The following CNOT6L variants were observed in gnomAD, a reference collection of about 807,000 sequenced individuals.
CNOT6L encodes CCR4-NOT transcription complex subunit 6 like.
In CNOT6L, 7 loss-of-function variants were observed where a neutral mutation model predicts 64.0. That is an observed-to-expected ratio of 0.11 (90% CI 0.06 to 0.21). The LOEUF (loss-of-function observed/expected upper bound fraction) is 0.21. CNOT6L is among the 10% of genes least tolerant of loss of function. CNOT6L has a pLI of 1.00. For synonymous variants in CNOT6L, 193 were observed against 243.4 expected (o/e 0.79, Z 1.93); for missense variants, 245 against 669.0 (o/e 0.37, Z 6.99).
intron 11 of CNOT6L, among the ~76,000 whole-genome samples, chr4:77,721,916 T>G (rs1429836485): frequency 6.6e-6 from 1 of 150,692 alleles, no homozygotes; most frequent in Non-Finnish European, 1.5e-5. Context: ...AAGCTACTTA[T>G]AATTGTCCCA....
chr4:77,818,555 G>T (rs920317074), intron 1 of CNOT6L, among the ~76,000 whole-genome samples: 1 of 152,188 alleles, frequency 6.6e-6, no homozygotes, highest in Non-Finnish European at 1.5e-5. Flanking sequence ...AAGGGAACAC[G>T]ACACCGCGTA....
chr4:77,805,725 T>A (rs1025955531), intron 1 of CNOT6L, among the ~76,000 whole-genome samples: 1 of 152,330 alleles, frequency 6.6e-6, no homozygotes, highest in East Asian at 1.9e-4. Context: ...AAGTCCTATT[T>A]ACTTTATTTC....
intron 4 of CNOT6L, among the ~76,000 whole-genome samples, chr4:77,766,537 T>C (rs1021065760): frequency 7.3e-6 from 1 of 136,318 alleles, no homozygotes; most frequent in African/African-American, 2.5e-5. Context: ...ATGTAAGAAC[T>C]GGAAAAGAAA....
intron 5 of CNOT6L, among the ~76,000 whole-genome samples, chr4:77,753,072 T>TA (rs1725021233): frequency 6.6e-6 from 1 of 150,402 alleles, no homozygotes; most frequent in African/African-American, 2.4e-5. Flanking sequence ...AAGATTTACA[T>TA]AAAATGGGCA....
intron 4 of CNOT6L, among the ~76,000 whole-genome samples, chr4:77,766,823 A>G (rs916589229): frequency 1.3e-5 from 2 of 151,576 alleles, no homozygotes; most frequent in African/African-American, 4.8e-5. Flanking sequence ...CAGCACTTTG[A>G]GAGGCAAAGG....
intron 10 of CNOT6L, among the ~76,000 whole-genome samples, chr4:77,726,864 G>C (rs72864905): frequency 0.018 from 2,767 of 152,274 alleles, 79 homozygotes; most frequent in African/African-American, 0.063. Flanking sequence ...ATGTCAGCTA[G>C]ACAATATCAT....
chr4:77,811,604 A>T (rs1732946920), intron 1 of CNOT6L, among the ~76,000 whole-genome samples: 1 of 152,110 alleles, frequency 6.6e-6, no homozygotes, highest in Non-Finnish European at 1.5e-5. Context: ...AGGAAAATCT[A>T]GCCCCTCTTC....
intron 1 of CNOT6L, among the ~76,000 whole-genome samples, chr4:77,781,797 G>A (rs1391124878): frequency 1.3e-5 from 2 of 152,126 alleles, no homozygotes; most frequent in Admixed American, 1.3e-4. Context: ...ATCACCCTAA[G>A]TGTAAGGTCA....
chr4:77,800,745 A>G (rs1402237122), intron 1 of CNOT6L, among the ~76,000 whole-genome samples: 1 of 152,206 alleles, frequency 6.6e-6, no homozygotes, highest in Admixed American at 6.5e-5. Flanking sequence ...GTCTCCATTA[A>G]AAACAGTAGA....
At chr4:77,819,522 G>A, upstream of CNOT6L, 1 of 846,960 alleles carries the variant, frequency 1.2e-6, no homozygotes, top group Non-Finnish European at 1.6e-6. Flanking sequence ...GCCCGTAACC[G>A]GGGCTCGCGG....
intron 9 of CNOT6L, among the ~76,000 whole-genome samples, 157 bp downstream of exon 9, chr4:77,731,230 T>G (rs971877035): frequency 6.6e-6 from 1 of 152,150 alleles, no homozygotes; most frequent in South Asian, 2.1e-4. Flanking sequence ...TATGATGCTT[T>G]ACACAATGGT....
intron 4 of CNOT6L, among the ~76,000 whole-genome samples, chr4:77,772,105 T>C (rs1727620407): frequency 1.3e-5 from 2 of 152,238 alleles, no homozygotes; most frequent in African/African-American, 4.8e-5. Flanking sequence ...ATTTACTTAA[T>C]AGGTACAGCT....
At position 77,719,786 on chromosome 4, in the gene CNOT6L, A is replaced by G. The variant is rs1308893067; in HGVS notation, c.*645T>C. 1 of 152,576 alleles carries G rather than the reference A, an allele frequency of 6.6e-6. No homozygotes were observed. Among genetic ancestry groups the G allele is most frequent in the Non-Finnish European group, 1.5e-5 (1 of 68,014 alleles). 9.5% of individuals were successfully genotyped at this position (152,576 alleles called of 1,614,324 possible). A position where few individuals can be genotyped will look rare whatever the true frequency, so the allele number is the denominator to read the frequency against. On this transcript the variant is annotated 3_prime_UTR_variant, in exon 12 of 12. Transcript: ENST00000504123. ...AAGTGATTCCTCAAAAAAACTCCAA[A>G]CCAGCATTTGGCCAACAAATTGTCA...
intron 11 of CNOT6L, among the ~76,000 whole-genome samples, chr4:77,724,675 A>G (rs1721640472): frequency 6.6e-6 from 1 of 151,886 alleles, no homozygotes; most frequent in African/African-American, 2.4e-5. Flanking sequence ...GTGAAATAGA[A>G]TAAAATTTTT....
intron 5 of CNOT6L, among the ~76,000 whole-genome samples, chr4:77,752,821 T>C (rs74607462): frequency 0.064 from 9,718 of 151,674 alleles, 465 homozygotes; most frequent in African/African-American, 0.13. Context: ...AGAAAAAGAA[T>C]ACCAAATGAA....
intron 4 of CNOT6L, among the ~76,000 whole-genome samples, chr4:77,770,349 A>AT (rs780437012): frequency 7.0e-4 from 106 of 152,226 alleles, no homozygotes; most frequent in Middle Eastern, 3.4e-3. Context: ...GTTCCATTCC[A>AT]TTTTTTTGAC....
Position 77,719,039 on chromosome 4 carries a change from A to G in CNOT6L, c.*1392T>C, listed in dbSNP as rs1191110784. Reference sequence around the variant, plus strand: ...ATAAATTTCAGAAAACTCTTATAGCAGCAAAAAAGCAGAATAAAGAAAAAC... The same window carrying G: ...ATAAATTTCAGAAAACTCTTATAGCGGCAAAAAAGCAGAATAAAGAAAAAC... On this transcript the variant is annotated 3_prime_UTR_variant, in exon 12 of 12. Coordinates refer to ENST00000504123, the MANE Select transcript of CNOT6L (RefSeq NM_144571.3). The G allele has an allele frequency of 6.6e-6, 1 of 152,598 alleles. No homozygotes were observed. Among genetic ancestry groups the G allele is most frequent in the African/African-American group, 2.4e-5 (1 of 41,448 alleles). The allele number at this position is 152,598 out of a possible 1,614,324, so 9.5% of individuals were successfully genotyped here.
chr4:77,743,337 A>G (rs1358482286), intron 7 of CNOT6L, among the ~76,000 whole-genome samples: 3 of 152,110 alleles, frequency 2.0e-5, no homozygotes, highest in African/African-American at 7.2e-5. Flanking sequence ...GGCTGTTATC[A>G]CTACAAATAC....
intron 1 of CNOT6L, among the ~76,000 whole-genome samples, chr4:77,793,529 G>A (rs138651160): frequency 1.4e-4 from 21 of 152,234 alleles, no homozygotes; most frequent in Non-Finnish European, 5.9e-5. Context: ...AAGCAGTCTG[G>A]CTCTACAGTC....
Sources: gnomAD v4.1 joint callset for allele counts (sites outside exome capture counted in the v4.1 genomes callset) on GRCh38, gnomAD v4.1.1 for gene constraint, MANE v1.5 for transcripts, NCBI Gene and HGNC (gene_info 2026-07-23, HGNC 2026-07-21) for gene names.